The following B4GALNT1 variants were observed in gnomAD, a reference collection of about 807,000 sequenced individuals.
B4GALNT1 encodes beta-1,4-N-acetyl-galactosaminyltransferase 1, also known as beta-1,4 N-acetylgalactosaminyltransferase 1.
Under a neutral mutation model 55.2 loss-of-function variants are expected in B4GALNT1, and 43 were observed. The ratio of observed to expected loss-of-function variants is 0.78; its 90% CI spans 0.61 to 1.00. B4GALNT1 has a LOEUF of 1.00. Among genes scored for constraint, B4GALNT1 ranks in the 50% least tolerant of loss-of-function variants. The pLI is 0.00. For missense variants in B4GALNT1, 664 were observed against 729.7 expected, an observed-to-expected ratio of 0.91 and a Z score of 1.04; for synonymous variants, 305 against 311.6, an observed-to-expected ratio of 0.98 and a Z score of 0.22.
At chr12:57,627,066 G>T in intron 10 of B4GALNT1, 105 bp from the exon 11 acceptor site, 3 of 981,690 alleles carry the variant, frequency 3.1e-6, no homozygotes, top group Non-Finnish European at 4.6e-6. Flanking sequence ...GTGTGCAAAG[G>T]CTTGTTTCTA....
chr12:57,627,666 C>T lies in B4GALNT1; in HGVS notation c.1336G>A (p.Val446Met), dbSNP rs1565738090. 2 of 1,610,162 alleles carry T rather than the reference C, an allele frequency of 1.2e-6. No homozygotes were observed. Among genetic ancestry groups the T allele is most frequent in the Admixed American group, 1.7e-5 (1 of 59,850 alleles). Reference protein sequence around the residue: ...VNFFLARTDKVREVGFDPRLS... With the variant: ...VNFFLARTDKMREVGFDPRLS... ...CGGGGGTCGAAACCGACCTCGCGCA[C>T]CTTGTCAGTCCGCGCCAGGAAGAAG... The change falls in exon 10 of 11, where the codon GTG (valine) becomes ATG (methionine). Residue 446 changes from valine (V) to methionine (M), a missense_variant. Physicochemically the swap from Val to Met is conservative, Grantham distance 21. Coordinates refer to ENST00000341156, the MANE Select transcript of B4GALNT1 (RefSeq NM_001478.5).
At chr12:57,630,625 C>A in intron 4 of B4GALNT1, 107 bp from the exon 5 acceptor site, 2 of 1,319,766 alleles carry the variant, frequency 1.5e-6, no homozygotes, top group Non-Finnish European at 2.1e-6. Context: ...TCCACCTATT[C>A]TTCTTATTGA....
Position 57,627,648 on chromosome 12 carries a change from C to T in B4GALNT1, c.1354G>A (p.Asp452Asn), listed in dbSNP as rs1158774217. ...TGAGCCACGCGGCTGAGGCGGGGGT[C>T]GAAACCGACCTCGCGCACCTTGTCA... is the stretch of plus-strand genomic sequence containing the variant. ...RTDKVREVGF[D>N]PRLSRVAHLE... The change falls in exon 10 of 11, where the codon GAC (aspartate) becomes AAC (asparagine). Residue 452 changes from aspartate (D) to asparagine (N), a missense_variant. By Grantham distance (23) the Asp-to-Asn change is conservative (BLOSUM62 1). Transcript: ENST00000341156. 1.2e-6 allele frequency: 2 copies of T among 1,601,016 alleles called. No individual in the cohort carries two copies. The highest frequency in any genetic ancestry group is 1.7e-6 in the Non-Finnish European group (2 of 1,171,104).
chr12:57,631,860 G>A, intron 2 of B4GALNT1, 55 bp downstream of exon 2: 5 of 1,340,016 alleles, frequency 3.7e-6, no homozygotes, highest in Non-Finnish European at 3.8e-6. Flanking sequence ...GAAAACAAAA[G>A]CCCCCAGACC....
chr12:57,627,344 T>C (rs1884886931), intron 10 of B4GALNT1, among the ~76,000 whole-genome samples: 1 of 151,468 alleles, frequency 6.6e-6, no homozygotes, highest in Admixed American at 6.6e-5. Flanking sequence ...TATACACATG[T>C]AACAAACCTG....
intron 6 of B4GALNT1, 149 bp from the exon 7 acceptor site, chr12:57,629,295 T>G: frequency 1.7e-6 from 1 of 584,636 alleles, no homozygotes; most frequent in East Asian, 3.0e-5. Flanking sequence ...GGAACTTACA[T>G]TCTAATGGGT....
chr12:57,626,787 A>G lies in B4GALNT1; in HGVS notation c.1559T>C (p.Leu520Pro), dbSNP rs766437785. ...LDESQMAKHR[L>P]LFFKHRLQCM... The stretch of plus-strand genomic sequence containing the variant: ...CTGCAGCCGGTGTTTGAAGAAGAGC[A>G]GCCGGTGTTTGGCCATCTGGCTCTC... Residue 520 changes from leucine (L) to proline (P), a missense_variant, in exon 11 of 11, where the codon CTG (leucine) becomes CCG (proline). Physicochemically the swap from Leu to Pro is moderately conservative, Grantham distance 98 (BLOSUM62 -3). Coordinates refer to ENST00000341156, the MANE Select transcript of B4GALNT1 (RefSeq NM_001478.5). 5.6e-6 allele frequency: 9 copies of G among 1,614,222 alleles called. No individual in the cohort carries two copies. Among genetic ancestry groups the G allele is most frequent in the Non-Finnish European group, 7.6e-6 (9 of 1,180,032 alleles).
Position 57,629,162 on chromosome 12 carries a change from A to G in B4GALNT1, c.713-16T>C, listed in dbSNP as rs148763592. Reference sequence around the variant, plus strand: ...GAGAACCGGACTGGGAAGAAAGGACATGGCATTTGACCCTGAAGGGTGGGA... The same window carrying G: ...GAGAACCGGACTGGGAAGAAAGGACGTGGCATTTGACCCTGAAGGGTGGGA... On this transcript the variant is annotated splice_polypyrimidine_tract_variant and intron_variant, in intron 6 of 10. Coordinates refer to ENST00000341156, the MANE Select transcript of B4GALNT1 (RefSeq NM_001478.5). 1.3e-6 allele frequency: 2 copies of G among 1,561,456 alleles called. No homozygotes were observed. Among genetic ancestry groups the G allele is most frequent in the Non-Finnish European group, 1.7e-6 (2 of 1,149,254 alleles).
intron 9 of B4GALNT1, 104 bp from the exon 10 acceptor site, chr12:57,627,962 CT>C (rs1884950747): frequency 6.8e-7 from 1 of 1,466,548 alleles, no homozygotes; most frequent in African/African-American, 1.4e-5. Context: ...GCCCCATCCT[CT>C]TCCGCTTCAC....
chr12:57,627,929 C>CCGGTGCCTT, intron 9 of B4GALNT1, 71 bp from the exon 10 acceptor site: 4 of 1,479,236 alleles, frequency 2.7e-6, no homozygotes, highest in Non-Finnish European at 3.6e-6. Flanking sequence ...GGTCTGCGCT[C>CCGGTGCCTT]CGGTGCCTTC....
chr12:57,631,718 C>G (rs1162649282), intron 2 of B4GALNT1, among the ~76,000 whole-genome samples, 197 bp downstream of exon 2: 1 of 152,204 alleles, frequency 6.6e-6, no homozygotes, highest in African/African-American at 2.4e-5. Context: ...CATCCCCATC[C>G]TTATCCCCAT....
rs773155266 is a variant in B4GALNT1 at position 57,624,197 on chromosome 12, G to A, written c.*2547C>T. The A allele has an allele frequency of 4.6e-5, 52 of 1,127,494 alleles. No homozygotes were observed. The highest frequency in any genetic ancestry group is 3.8e-4 in the South Asian group (26 of 69,322). 69.8% of individuals were successfully genotyped at this position (1,127,494 alleles called of 1,614,324 possible). Reference sequence around the variant, plus strand: ...CCTAATTGTCCTGGTCTTAAGTTCTGCAACCCACCCACTCCCCCAGCAAAC... The same window carrying A: ...CCTAATTGTCCTGGTCTTAAGTTCTACAACCCACCCACTCCCCCAGCAAAC... On this transcript the variant is annotated 3_prime_UTR_variant, in exon 11 of 11. Transcript: ENST00000341156.
chr12:57,624,003 G>A lies in B4GALNT1; in HGVS notation c.*2741C>T, dbSNP rs1884630931. 1.2e-6 allele frequency: 2 copies of A among 1,611,212 alleles called. No homozygotes were observed. The highest frequency in any genetic ancestry group is 1.7e-6 in the Non-Finnish European group (2 of 1,178,232). The stretch of plus-strand genomic sequence containing the variant: ...GTCAGCCCACCTCCTCTGCCTCAAG[G>A]CTGTCCTGGCTTGCATCAACATCTC... On this transcript the variant is annotated 3_prime_UTR_variant, in exon 11 of 11. Coordinates refer to ENST00000341156, the MANE Select transcript of B4GALNT1 (RefSeq NM_001478.5).
At position 57,624,716 on chromosome 12, in the gene B4GALNT1, T is replaced by C. The variant is rs770324561; in HGVS notation, c.*2028A>G. The C allele has an allele frequency of 7.4e-6, 6 of 814,610 alleles. No homozygotes were observed. The highest frequency in any genetic ancestry group is 1.3e-5 in the Non-Finnish European group (6 of 453,494). The allele number at this position is 814,610 out of a possible 1,614,324, so 50.5% of individuals were successfully genotyped here. A position where few individuals can be genotyped will look rare whatever the true frequency, so the allele number is the denominator to read the frequency against. On this transcript the variant is annotated 3_prime_UTR_variant, in exon 11 of 11. Coordinates refer to ENST00000341156, the MANE Select transcript of B4GALNT1 (RefSeq NM_001478.5). ...AAGCTGGAAATCTGGCCCCACCTTCTTCCCTAGGGTGTAGTGCCTGGCACT... is the reference window on the plus strand; with the variant it reads ...AAGCTGGAAATCTGGCCCCACCTTCCTCCCTAGGGTGTAGTGCCTGGCACT...
chr12:57,625,927 G>A lies in B4GALNT1; in HGVS notation c.*817C>T. 1 of 575,078 alleles carries A rather than the reference G, an allele frequency of 1.7e-6. No individual in the cohort carries two copies. Among genetic ancestry groups the A allele is most frequent in the African/African-American group, 1.9e-5 (1 of 53,296 alleles). 35.6% of individuals were successfully genotyped at this position (575,078 alleles called of 1,614,324 possible). A position where few individuals can be genotyped will look rare whatever the true frequency, so the allele number is the denominator to read the frequency against. ...CCCTAAGTAGGTGGGGTACCCCTGA[G>A]AGGACTGCCACATTTCATTAAGGAA... is the stretch of plus-strand genomic sequence containing the variant. On this transcript the variant is annotated 3_prime_UTR_variant, in exon 11 of 11. Coordinates refer to ENST00000341156, the MANE Select transcript of B4GALNT1 (RefSeq NM_001478.5).
chr12:57,623,561 C>T lies in B4GALNT1; in HGVS notation c.*3183G>A, dbSNP rs753668946. ...ATACCCTGCTTATAGGGTAACCCAA[C>T]AGTGGCTTTTAAGGTGGAGGTGGGC... On this transcript the variant is annotated 3_prime_UTR_variant, in exon 11 of 11. Transcript: ENST00000341156. The T allele has an allele frequency of 9.7e-6, 5 of 516,258 alleles. No homozygotes were observed. The highest frequency in any genetic ancestry group is 1.7e-5 in the Non-Finnish European group (5 of 290,794). The allele number at this position is 516,258 out of a possible 1,614,324, so 32.0% of individuals were successfully genotyped here. A position where few individuals can be genotyped will look rare whatever the true frequency, so the allele number is the denominator to read the frequency against.
Position 57,627,622 on chromosome 12 carries a change from A to T in B4GALNT1, c.1380T>A (p.His460Gln). 2 of 1,591,706 alleles carry T rather than the reference A, an allele frequency of 1.3e-6. No individual in the cohort carries two copies. Among genetic ancestry groups the T allele is most frequent in the Non-Finnish European group, 1.7e-6 (2 of 1,164,818 alleles). ...GFDPRLSRVA[H>Q]LEFFLDGLGS... ...CCGGGAGGGGGTGCCACTCACCCAG[A>T]TGAGCCACGCGGCTGAGGCGGGGGT... The change falls in exon 10 of 11, where the codon CAT becomes CAA. Residue 460 changes from histidine (H) to glutamine (Q), a missense_variant. Coordinates refer to ENST00000341156, the MANE Select transcript of B4GALNT1 (RefSeq NM_001478.5).
chr12:57,624,419 G>T lies in B4GALNT1; in HGVS notation c.*2325C>A. The T allele has an allele frequency of 1.7e-6, 1 of 603,078 alleles. No homozygotes were observed. Among genetic ancestry groups the T allele is most frequent in the East Asian group, 3.8e-5 (1 of 26,586 alleles). The allele number at this position is 603,078 out of a possible 1,614,324, so 37.4% of individuals were successfully genotyped here. On this transcript the variant is annotated 3_prime_UTR_variant, in exon 11 of 11. Transcript: ENST00000341156. ...TCTCTCCCCATCACTTGCCTTGGTA[G>T]TCACTGCCCTGGATCTCTTTACCCA... is the stretch of plus-strand genomic sequence containing the variant.
chr12:57,628,444 T>C (rs1884985091), intron 8 of B4GALNT1, 182 bp from the exon 9 acceptor site: 2 of 955,760 alleles, frequency 2.1e-6, no homozygotes, highest in African/African-American at 1.6e-5. Flanking sequence ...AAGTCAGTGG[T>C]CTTAGAATGC....
Sources: gnomAD v4.1 joint callset for allele counts (sites outside exome capture counted in the v4.1 genomes callset) on GRCh38, gnomAD v4.1.1 for gene constraint, MANE v1.5 for transcripts, NCBI Gene and HGNC (gene_info 2026-07-23, HGNC 2026-07-21) for gene names.